The following PARP12 variants were observed in gnomAD, a reference collection of about 807,000 sequenced individuals.
PARP12 encodes the protein protein mono-ADP-ribosyltransferase PARP12.
A neutral mutation model predicts 72.4 loss-of-function variants in PARP12; 59 were observed. The observed-to-expected ratio is 0.81, with a 90% CI of 0.66 to 1.01. PARP12 has a LOEUF of 1.01. Among genes scored for constraint, PARP12 ranks in the 50% least tolerant of loss-of-function variants. The pLI is 0.00. For synonymous variants in PARP12, 403 were observed against 371.4 expected (o/e 1.09, Z -0.98); for missense variants, 851 against 914.0 (o/e 0.93, Z 0.89).
At chr7:140,034,178 G>C in intron 8 of PARP12, 57 bp downstream of exon 8, 1 of 1,582,394 alleles carries the variant, frequency 6.3e-7, no homozygotes, top group Non-Finnish European at 8.6e-7. Context: ...TGTCACCACT[G>C]CAGAGCACAC....
chr7:140,040,477 G>A (rs1439948165), intron 6 of PARP12, among the ~76,000 whole-genome samples: 2 of 152,176 alleles, frequency 1.3e-5, no homozygotes, highest in East Asian at 3.9e-4. Context: ...ATCTCCAGCT[G>A]ACCAACAGAC....
intron 4 of PARP12, among the ~76,000 whole-genome samples, chr7:140,050,738 A>AC (rs1205511471): frequency 6.6e-6 from 1 of 152,214 alleles, no homozygotes; most frequent in Non-Finnish European, 1.5e-5. Context: ...CTAGGAAAAC[A>AC]CCATAAGAGA....
Position 140,043,653 on chromosome 7 carries a change from G to A in PARP12, c.987-1814C>T, listed in dbSNP as rs191258036. On this transcript the variant is annotated intron_variant, in intron 5 of 11. Coordinates refer to ENST00000263549, the MANE Select transcript of PARP12 (RefSeq NM_022750.4). ...AGCGATTCTCCTGTCTCACCCTCCCGAGGAGTAGCTGGGATTACAGGCATG... is the reference window on the plus strand; with the variant it reads ...AGCGATTCTCCTGTCTCACCCTCCCAAGGAGTAGCTGGGATTACAGGCATG... Among the ~76,000 whole-genome samples, 31 of 151,828 alleles carry A rather than the reference G, an allele frequency of 2.0e-4. 1 individual carries two copies. Among genetic ancestry groups the A allele is most frequent in the East Asian group, 1.9e-4 (1 of 5,170 alleles).
At chr7:140,061,428 A>G (rs1333842738) in intron 1 of PARP12, among the ~76,000 whole-genome samples, 1 of 152,106 alleles carries the variant, frequency 6.6e-6, no homozygotes, top group Non-Finnish European at 1.5e-5. Flanking sequence ...TGAGCAAGAA[A>G]TATCTACTCT....
chr7:140,043,709 T>C (rs2116596388), intron 5 of PARP12, among the ~76,000 whole-genome samples: 1 of 152,232 alleles, frequency 6.6e-6, no homozygotes, highest in East Asian at 1.9e-4. Context: ...TTTTGTATTT[T>C]TTTGTGCAGA....
intron 7 of PARP12, among the ~76,000 whole-genome samples, chr7:140,037,190 G>A (rs567428140): frequency 3.9e-5 from 6 of 152,318 alleles, no homozygotes; most frequent in Admixed American, 2.0e-4. Context: ...CAGGTGTGAC[G>A]GCTCATGACT....
intron 4 of PARP12, among the ~76,000 whole-genome samples, chr7:140,051,925 C>T (rs1816978890): frequency 6.6e-6 from 1 of 152,182 alleles, no homozygotes; most frequent in South Asian, 2.1e-4. Context: ...GATGTTATTG[C>T]TCTTTGGCCC....
At position 140,058,027 on chromosome 7, in the gene PARP12, A is replaced by G; in HGVS notation, c.334T>C (p.Cys112Arg). ...ACKFLRAGKN[C>R]RNSHSLTTEH... The stretch of plus-strand genomic sequence containing the variant: ...GTTGTCAAGCTGTGACTATTCCTAC[A>G]GTTCTTCCTGCAAAGAAGCAGAGCT... The change falls in exon 2 of 12, where the codon TGT becomes CGT. Residue 112 changes from cysteine to arginine, a missense_variant. By Grantham distance (180) the Cys-to-Arg change is radical (BLOSUM62 -3). Around this residue, in one of 3 missense-constraint regions of PARP12, gnomAD observed 492 missense variants for 489.3 expected, o/e 1.01. Coordinates refer to ENST00000263549, the MANE Select transcript of PARP12 (RefSeq NM_022750.4). The G allele has an allele frequency of 6.2e-7, 1 of 1,614,230 alleles. No homozygotes were observed.
At chr7:140,057,200 C>A in intron 2 of PARP12, 47 bp from the exon 3 acceptor site, 7 of 1,550,920 alleles carry the variant, frequency 4.5e-6, no homozygotes, top group Non-Finnish European at 6.1e-6. Context: ...AGGTCTCACA[C>A]GACACCACCT....
In PARP12 at chr7:140,024,658, A is replaced by G; in HGVS notation, c.2008T>C (p.Tyr670His). The G allele has an allele frequency of 6.2e-7, 1 of 1,614,178 alleles. No homozygotes were observed. Among genetic ancestry groups the G allele is most frequent in the Non-Finnish European group, 8.5e-7 (1 of 1,180,028 alleles). The change falls in exon 12 of 12, where the codon TAC (tyrosine) becomes CAC (histidine). Residue 670 changes from tyrosine to histidine, a missense_variant. Tyr to His is a moderately conservative substitution (Grantham distance 83, BLOSUM62 2). Coordinates refer to ENST00000263549, the MANE Select transcript of PARP12 (RefSeq NM_022750.4). Reference sequence around the variant, plus strand: ...GTGTACTGGATGACATACTCTGGGTAGACCTGGTGTTTCTCAAAGATCACA... The same window carrying G: ...GTGTACTGGATGACATACTCTGGGTGGACCTGGTGTTTCTCAAAGATCACA... ...IFVIFEKHQV[Y>H]PEYVIQYTTS...
intron 3 of PARP12, among the ~76,000 whole-genome samples, chr7:140,055,479 C>G (rs889416649): frequency 1.3e-5 from 2 of 152,308 alleles, no homozygotes; most frequent in African/African-American, 4.8e-5. Flanking sequence ...CAGCTAACCC[C>G]AATGAGCACA....
Position 140,062,065 on chromosome 7 carries a change from G to A in PARP12, c.326+457C>T, listed in dbSNP as rs143419548. On this transcript the variant is annotated intron_variant, in intron 1 of 11. Transcript: ENST00000263549. ...CCCAGGACCTTGTGGGCGATGGCAG[G>A]GAGTCTGCATTTTCCAGTTTGTAAG... Among the ~76,000 whole-genome samples the A allele has an allele frequency of 8.5e-4, 129 of 151,994 alleles. 1 individual carries two copies. The highest frequency in any genetic ancestry group is 2.9e-3 in the African/African-American group (120 of 41,430).
chr7:140,035,088 T>C (rs1173308624), intron 7 of PARP12, among the ~76,000 whole-genome samples: 1 of 152,194 alleles, frequency 6.6e-6, no homozygotes, highest in East Asian at 1.9e-4. Context: ...TTTGTTTTCA[T>C]TTACAAAACA....
intron 5 of PARP12, among the ~76,000 whole-genome samples, chr7:140,045,707 A>G (rs1006097385): frequency 6.6e-6 from 1 of 152,240 alleles, no homozygotes; most frequent in Non-Finnish European, 1.5e-5. Flanking sequence ...GTGAGGAAAA[A>G]AATCTACAAG....
At chr7:140,041,951 AT>A in intron 5 of PARP12, 112 bp from the exon 6 acceptor site, 1 of 934,686 alleles carries the variant, frequency 1.1e-6, no homozygotes, top group Non-Finnish European at 1.6e-6. Context: ...TGGCATGCAC[AT>A]TTTAGAAAAA....
intron 1 of PARP12, among the ~76,000 whole-genome samples, chr7:140,060,922 C>G (rs1817418943): frequency 6.6e-6 from 1 of 152,198 alleles, no homozygotes; most frequent in Non-Finnish European, 1.5e-5. Flanking sequence ...GGCCTTCCTC[C>G]CAAGCTTCTG....
intron 5 of PARP12, among the ~76,000 whole-genome samples, chr7:140,043,652 C>G (rs953953642): frequency 6.6e-6 from 1 of 152,002 alleles, no homozygotes; most frequent in East Asian, 1.9e-4. Context: ...CTCACCCTCC[C>G]GAGGAGTAGC....
chr7:140,061,630 T>C (rs1325845405), intron 1 of PARP12, among the ~76,000 whole-genome samples: 1 of 152,102 alleles, frequency 6.6e-6, no homozygotes, highest in Non-Finnish European at 1.5e-5. Context: ...TCTCCTGCCA[T>C]TTTACCCGCC....
rs771351598 is a variant in PARP12 at position 140,037,887 on chromosome 7, G to T, written c.1183-31C>A. On this transcript the variant is annotated intron_variant, in intron 6 of 11. Transcript: ENST00000263549. Reference sequence around the variant, plus strand: ...ATGGAAAGCCAGACACTTTATGAAGGCAAGAAACTGCGTGATGAGGAAAAA... The same window carrying T: ...ATGGAAAGCCAGACACTTTATGAAGTCAAGAAACTGCGTGATGAGGAAAAA... 2.5e-6 allele frequency: 4 copies of T among 1,589,384 alleles called. No individual in the cohort carries two copies. In the African/African-American group the frequency reaches 5.4e-5, roughly 21 times the overall value.
Sources: allele counts gnomAD v4.1 joint callset (sites outside exome capture counted in the v4.1 genomes callset), GRCh38; gene constraint gnomAD v4.1.1; regional missense constraint gnomAD v4.1.1; transcripts MANE v1.5; gene names NCBI Gene and HGNC (gene_info 2026-07-23, HGNC 2026-07-21).